The following FSTL5 variants were observed in gnomAD, a reference collection of about 807,000 sequenced individuals.
FSTL5 encodes follistatin like 5.
Under a neutral mutation model 89.1 loss-of-function variants are expected in FSTL5, and 62 were observed. That is an observed-to-expected ratio of 0.70 (90% CI 0.57 to 0.86). The LOEUF (loss-of-function observed/expected upper bound fraction) is 0.86. FSTL5 is among the 40% of genes least tolerant of loss of function. The pLI is 0.00. For synonymous variants in FSTL5, 383 were observed against 346.2 expected (o/e 1.11, Z -1.18); for missense variants, 1,057 against 1,001.6 (o/e 1.06, Z -0.75).
At chr4:161,605,549 A>G (rs1339865397) in intron 7 of FSTL5, among the ~76,000 whole-genome samples, 1 of 152,182 alleles carries the variant, frequency 6.6e-6, no homozygotes, top group Non-Finnish European at 1.5e-5. Flanking sequence ...AACTGCCATA[A>G]TAACTGCTAT....
intron 3 of FSTL5, among the ~76,000 whole-genome samples, chr4:161,959,846 C>T (rs1216680057): frequency 6.6e-6 from 1 of 152,052 alleles, no homozygotes; most frequent in Non-Finnish European, 1.5e-5. Flanking sequence ...TAAGTGGTGT[C>T]TTGGTTGTCT....
In FSTL5 at chr4:161,512,870, A is replaced by G. The variant is rs540718658; in HGVS notation, c.1313-2446T>C. Among the ~76,000 whole-genome samples the G allele has an allele frequency of 1.8e-4, 27 of 152,218 alleles. No homozygotes were observed. In the South Asian group the frequency reaches 3.3e-3, roughly 19 times the overall value. On this transcript the variant is annotated intron_variant, in intron 10 of 15. Coordinates refer to ENST00000306100, the MANE Select transcript of FSTL5 (RefSeq NM_020116.5). The stretch of plus-strand genomic sequence containing the variant: ...AATATTTGAAAAATGAAGAAAAATA[A>G]AGACAAAGTTTTAACAATACAATTA...
intron 3 of FSTL5, among the ~76,000 whole-genome samples, chr4:161,929,660 CGTGTGTGTGTGTGTGT>C (rs765281533): frequency 2.4e-5 from 3 of 126,936 alleles, no homozygotes; most frequent in South Asian, 5.5e-4. Context: ...TAGGTAGGCA[CGTGTGTGTGTGTGTGT>C]GTGTGTGTGT....
intron 3 of FSTL5, among the ~76,000 whole-genome samples, chr4:162,003,809 T>G (rs1469077408): frequency 6.6e-6 from 1 of 152,194 alleles, no homozygotes; most frequent in Non-Finnish European, 1.5e-5. Flanking sequence ...ACTTAACATT[T>G]TATGTGAATA....
intron 6 of FSTL5, among the ~76,000 whole-genome samples, chr4:161,698,571 A>G (rs1414707519): frequency 6.6e-6 from 1 of 152,188 alleles, no homozygotes; most frequent in Non-Finnish European, 1.5e-5. Context: ...AAACCTAAAA[A>G]TTGAAATTCA....
intron 4 of FSTL5, among the ~76,000 whole-genome samples, chr4:161,808,998 C>G (rs943621891): frequency 6.6e-6 from 1 of 152,142 alleles, no homozygotes; most frequent in African/African-American, 2.4e-5. Context: ...GCGGGCAGAT[C>G]ACGAGGTCAG....
At chr4:161,730,412 G>A in intron 6 of FSTL5, among the ~76,000 whole-genome samples, 1 of 151,568 alleles carries the variant, frequency 6.6e-6, no homozygotes, top group East Asian at 1.9e-4. Context: ...ATATAAGAAG[G>A]CATTTCCTAT....
chr4:161,618,039 G>A (rs1001571871), intron 7 of FSTL5, among the ~76,000 whole-genome samples: 7 of 151,918 alleles, frequency 4.6e-5, no homozygotes, highest in African/African-American at 9.7e-5. Context: ...GGTCCTTCAC[G>A]TCCCTTGTAA....
intron 8 of FSTL5, among the ~76,000 whole-genome samples, chr4:161,562,851 A>G (rs185409402): frequency 2.0e-5 from 3 of 151,990 alleles, no homozygotes; most frequent in South Asian, 2.1e-4. Context: ...TTTTGCCTCT[A>G]TGATTTTAGA....
At chr4:162,125,802 G>A (rs1285460432) in intron 1 of FSTL5, among the ~76,000 whole-genome samples, 2 of 151,828 alleles carry the variant, frequency 1.3e-5, no homozygotes, top group Non-Finnish European at 2.9e-5. Flanking sequence ...ATCTTTAAGC[G>A]ATAAATTTCA....
At chr4:161,434,671 C>T (rs1458462221) in intron 15 of FSTL5, among the ~76,000 whole-genome samples, 1 of 151,958 alleles carries the variant, frequency 6.6e-6, no homozygotes, top group Non-Finnish European at 1.5e-5. Context: ...AACTACCCAT[C>T]TGACAAGTGG....
At chr4:162,049,221 G>A (rs1258824868) in intron 2 of FSTL5, among the ~76,000 whole-genome samples, 3 of 152,186 alleles carry the variant, frequency 2.0e-5, no homozygotes, top group Non-Finnish European at 1.5e-5. Flanking sequence ...ACACCAGAGT[G>A]AGAGAAAGCT....
intron 7 of FSTL5, among the ~76,000 whole-genome samples, chr4:161,653,403 G>A (rs117425273): frequency 6.6e-6 from 1 of 152,114 alleles, no homozygotes; most frequent in African/African-American, 2.4e-5. Context: ...TCATGAAATG[G>A]AATCTTGTTT....
At chr4:161,967,837 T>C (rs1735370692) in intron 3 of FSTL5, among the ~76,000 whole-genome samples, 1 of 152,034 alleles carries the variant, frequency 6.6e-6, no homozygotes, top group African/African-American at 2.4e-5. Context: ...AAATGCTGAC[T>C]GAGGAATCTC....
At chr4:161,536,644 C>A (rs1731627823) in intron 10 of FSTL5, among the ~76,000 whole-genome samples, 1 of 152,022 alleles carries the variant, frequency 6.6e-6, no homozygotes, top group Non-Finnish European at 1.5e-5. Flanking sequence ...CAAGATTAAA[C>A]CTTGTCGAAA....
intron 10 of FSTL5, among the ~76,000 whole-genome samples, chr4:161,515,517 A>T (rs557212315): frequency 5.9e-5 from 9 of 151,696 alleles, no homozygotes; most frequent in Admixed American, 5.3e-4. Context: ...TCTTTTCATT[A>T]CTTTTCTGAT....
intron 2 of FSTL5, among the ~76,000 whole-genome samples, chr4:162,051,389 C>A (rs189078805): frequency 1.5e-3 from 227 of 150,830 alleles, no homozygotes; most frequent in African/African-American, 5.3e-3. Flanking sequence ...TAACATATCT[C>A]ACAAAAAACA....
intron 3 of FSTL5, among the ~76,000 whole-genome samples, chr4:162,017,108 T>C (rs774496239): frequency 2.6e-5 from 4 of 152,192 alleles, no homozygotes; most frequent in Non-Finnish European, 4.4e-5. Context: ...TTATTCTCTA[T>C]AATTTTCCCT....
intron 7 of FSTL5, among the ~76,000 whole-genome samples, chr4:161,593,918 A>C (rs372737453): frequency 1.3e-5 from 2 of 152,208 alleles, no homozygotes; most frequent in Non-Finnish European, 2.9e-5. Flanking sequence ...CAGACAGAAC[A>C]CTGTTAAGGA....
Sources: gnomAD v4.1 joint callset for allele counts (sites outside exome capture counted in the v4.1 genomes callset) on GRCh38, gnomAD v4.1.1 for gene constraint, MANE v1.5 for transcripts, NCBI Gene and HGNC (gene_info 2026-07-23, HGNC 2026-07-21) for gene names.